Variants in OSBPL11 observed in about 807,000 individuals in gnomAD.
The protein encoded by OSBPL11 is oxysterol-binding protein-related protein 11.
Under a neutral mutation model 84.4 loss-of-function variants are expected in OSBPL11, and 33 were observed. The ratio of observed to expected loss-of-function variants is 0.39; its 90% CI spans 0.30 to 0.52. The LOEUF (loss-of-function observed/expected upper bound fraction) is 0.52. OSBPL11 is among the 20% of genes least tolerant of loss of function. OSBPL11 has a pLI of 0.72. For missense variants in OSBPL11, 736 were observed against 901.1 expected (o/e 0.82, Z 2.35); for synonymous variants, 276 against 310.2 (o/e 0.89, Z 1.16).
intron 4 of OSBPL11, among the ~76,000 whole-genome samples, chr3:125,577,387 C>A (rs529414817): frequency 4.6e-5 from 7 of 152,054 alleles, no homozygotes; most frequent in African/African-American, 1.4e-4. Flanking sequence ...AAATGACTAA[C>A]CAATAAGCAC....
rs180735815 is a variant in OSBPL11, at chr3:125,528,949, A to G, written c.*1566T>C. ...ATTTTTTTCAGTGCATTTCACAGCA[A>G]AAATGAACAAGGGAATCATTAAAAT... is the stretch of plus-strand genomic sequence containing the variant. On this transcript the variant is annotated 3_prime_UTR_variant, in exon 13 of 13. Transcript: ENST00000296220. 8 of 152,712 alleles carry G rather than the reference A, an allele frequency of 5.2e-5. No individual in the cohort carries two copies. Among genetic ancestry groups the G allele is most frequent in the Middle Eastern group, 3.2e-3 (1 of 316 alleles). The allele number at this position is 152,712 out of a possible 1,614,324, so 9.5% of individuals were successfully genotyped here. A position where few individuals can be genotyped will look rare whatever the true frequency, so the allele number is the denominator to read the frequency against.
At chr3:125,561,755 A>T (rs1003103778) in intron 7 of OSBPL11, among the ~76,000 whole-genome samples, 2 of 152,244 alleles carry the variant, frequency 1.3e-5, no homozygotes, top group Non-Finnish European at 2.9e-5. Flanking sequence ...TTCATTCCAC[A>T]GAGTACAACA....
chr3:125,550,057 T>A (rs1444883416), intron 9 of OSBPL11, among the ~76,000 whole-genome samples: 1 of 152,160 alleles, frequency 6.6e-6, no homozygotes, highest in Non-Finnish European at 1.5e-5. Flanking sequence ...GGTAGCAAAC[T>A]TTTTGTTTTT....
chr3:125,538,581 G>T lies in OSBPL11; in HGVS notation c.1894C>A (p.Gln632Lys). 1 of 1,613,904 alleles carries T rather than the reference G, an allele frequency of 6.2e-7. No individual in the cohort carries two copies. Among genetic ancestry groups the T allele is most frequent in the South Asian group, 1.1e-5 (1 of 91,048 alleles). Residue 632 changes from glutamine (Q) to lysine (K), a missense_variant, in exon 11 of 13, where the codon CAA (glutamine) becomes AAA (lysine). Gln to Lys is a moderately conservative substitution (Grantham distance 53). Coordinates refer to ENST00000296220, the MANE Select transcript of OSBPL11 (RefSeq NM_022776.5). ...TCAAGAACACTATTCCATTCCCCTTGCACTCTGCATACCACAGTGTTGGTG... is the reference window on the plus strand; with the variant it reads ...TCAAGAACACTATTCCATTCCCCTTTCACTCTGCATACCACAGTGTTGGTG... ...NITNTVVCRV[Q>K]GEWNSVLEFT...
At chr3:125,575,848 G>GT (rs946184413) in intron 5 of OSBPL11, among the ~76,000 whole-genome samples, 6 of 151,494 alleles carry the variant, frequency 4.0e-5, no homozygotes, top group African/African-American at 1.2e-4. Context: ...ATATCAGTTT[G>GT]TTTTTTTAAA....
Position 125,552,542 on chromosome 3 carries a change from G to A in OSBPL11, c.1293C>T (p.Tyr431=), listed in dbSNP as rs747928336. ...AEDRMIRFVE[Y]YLTSFHEGRK... is the part of the protein sequence containing the mutation. ...GGCCTTCATGAAATGAGGTAAGGTA[G>A]TACTCAACAAAGCGAATCATTCTGT... Residue 431 remains tyrosine (Y), a synonymous_variant, in exon 9 of 13, where the codon TAC becomes TAT. Coordinates refer to ENST00000296220, the MANE Select transcript of OSBPL11 (RefSeq NM_022776.5). 1 of 1,614,082 alleles carries A rather than the reference G, an allele frequency of 6.2e-7. No homozygotes were observed. The highest frequency in any genetic ancestry group is 1.3e-5 in the African/African-American group (1 of 74,946).
intron 10 of OSBPL11, among the ~76,000 whole-genome samples, chr3:125,542,507 G>A (rs1580037649): frequency 7.2e-6 from 1 of 138,044 alleles, no homozygotes; most frequent in Non-Finnish European, 1.6e-5. Context: ...TGCTAATTTT[G>A]TATTTTTTTT....
intron 1 of OSBPL11, among the ~76,000 whole-genome samples, chr3:125,590,836 G>A (rs1936585317): frequency 6.6e-6 from 1 of 152,116 alleles, no homozygotes; most frequent in East Asian, 1.9e-4. Flanking sequence ...ATTCCTTTTA[G>A]AGAGTTTATC....
intron 7 of OSBPL11, among the ~76,000 whole-genome samples, chr3:125,563,433 CAT>C (rs1458197739): frequency 2.6e-5 from 4 of 151,986 alleles, no homozygotes; most frequent in Non-Finnish European, 4.4e-5. Flanking sequence ...AAAAGAAAAA[CAT>C]AAATTTCAAT....
intron 9 of OSBPL11, 71 bp downstream of exon 9, chr3:125,552,110 G>T: frequency 3.5e-6 from 3 of 848,692 alleles, no homozygotes; most frequent in Non-Finnish European, 4.6e-6. Flanking sequence ...TTCCTGCTTG[G>T]AAAAAAAAAT....
rs571511707 is a variant in OSBPL11 at position 125,577,832 on chromosome 3, AAAAAAAAGAAATT to A, written c.489+1115_489+1127del. Among the ~76,000 whole-genome samples the A allele has an allele frequency of 3.7e-3, 559 of 152,248 alleles. 3 individuals carry two copies. The highest frequency in any genetic ancestry group is 0.01 in the Middle Eastern group (3 of 294). ...TAACAGAGTGAGACTCCATCTCAAA[AAAAAAAAGAAATT>A]AAAAAAAGAAATTAGAACTCTCATA... On this transcript the variant is annotated intron_variant, in intron 4 of 12. Transcript: ENST00000296220.
At chr3:125,564,744 T>A (rs1486504098) in intron 6 of OSBPL11, among the ~76,000 whole-genome samples, 1 of 150,616 alleles carries the variant, frequency 6.6e-6, no homozygotes, top group Non-Finnish European at 1.5e-5. Context: ...AACCTCCACC[T>A]CCCAGGTTCA....
chr3:125,536,530 A>G (rs996710011), intron 11 of OSBPL11, among the ~76,000 whole-genome samples: 2 of 152,244 alleles, frequency 1.3e-5, no homozygotes, highest in Admixed American at 6.5e-5. Context: ...TTTCAAGTTC[A>G]TGGTGGCAGA....
At chr3:125,571,563 G>A (rs991968509) in intron 5 of OSBPL11, among the ~76,000 whole-genome samples, 1 of 152,178 alleles carries the variant, frequency 6.6e-6, no homozygotes, top group Non-Finnish European at 1.5e-5. Flanking sequence ...GGGTCCCCAT[G>A]CTGTGTGCAG....
At chr3:125,585,010 G>A (rs1936484991) in intron 1 of OSBPL11, among the ~76,000 whole-genome samples, 2 of 152,074 alleles carry the variant, frequency 1.3e-5, no homozygotes, top group African/African-American at 4.8e-5. Context: ...AAACTCCTGG[G>A]CTCAAGCGAT....
chr3:125,568,796 TA>T (rs1207368069), intron 5 of OSBPL11, among the ~76,000 whole-genome samples: 1 of 152,200 alleles, frequency 6.6e-6, no homozygotes, highest in Non-Finnish European at 1.5e-5. Context: ...GCCAATTTTT[TA>T]GAGGAAAAGT....
chr3:125,529,703 C>T lies in OSBPL11; in HGVS notation c.*812G>A, dbSNP rs1041287365. 1 of 152,528 alleles carries T rather than the reference C, an allele frequency of 6.6e-6. No homozygotes were observed. Among genetic ancestry groups the T allele is most frequent in the Non-Finnish European group, 1.5e-5 (1 of 68,012 alleles). The allele number at this position is 152,528 out of a possible 1,614,324, so 9.4% of individuals were successfully genotyped here. On this transcript the variant is annotated 3_prime_UTR_variant, in exon 13 of 13. Transcript: ENST00000296220. ...TTAATGCCTTAGTTCTGGAGAAAGG[C>T]TAAAATCTCATCATATTGACATTAA...
intron 1 of OSBPL11, among the ~76,000 whole-genome samples, chr3:125,584,726 T>C (rs1396041757): frequency 1.3e-5 from 2 of 152,190 alleles, no homozygotes; most frequent in Non-Finnish European, 2.9e-5. Flanking sequence ...AAACCTTATA[T>C]ATACTTACCT....
chr3:125,592,951 A>G (rs563575498), intron 1 of OSBPL11, among the ~76,000 whole-genome samples: 242 of 152,336 alleles, frequency 1.6e-3, no homozygotes, highest in Non-Finnish European at 2.3e-3. Flanking sequence ...AAACTTCACA[A>G]TGTTTTTTTA....
Sources: allele counts gnomAD v4.1 joint callset (sites outside exome capture counted in the v4.1 genomes callset), GRCh38; gene constraint gnomAD v4.1.1; transcripts MANE v1.5; gene names NCBI Gene and HGNC (gene_info 2026-07-23, HGNC 2026-07-21).